Variants in ZHX2 observed in about 807,000 individuals in gnomAD.
ZHX2 encodes zinc fingers and homeoboxes 2.
Under a neutral mutation model 21.9 loss-of-function variants are expected in ZHX2, and 6 were observed. The ratio of observed to expected loss-of-function variants is 0.27; its 90% CI spans 0.15 to 0.54. The LOEUF (loss-of-function observed/expected upper bound fraction) is 0.54. ZHX2 is among the 20% of genes least tolerant of loss of function. The pLI is 0.95. For synonymous variants in ZHX2, 434 were observed against 437.1 expected, an observed-to-expected ratio of 0.99 and a Z score of 0.09; for missense variants, 908 against 1,090.7, an observed-to-expected ratio of 0.83 and a Z score of 2.36.
intron 1 of ZHX2, among the ~76,000 whole-genome samples, chr8:122,801,445 G>A (rs1434457075): frequency 6.6e-6 from 1 of 152,024 alleles, no homozygotes; most frequent in African/African-American, 2.4e-5. Context: ...CCTTTCAGAA[G>A]ATGAGTCAAG....
chr8:122,807,971 T>C (rs1262330162), intron 1 of ZHX2: 1 of 152,224 alleles, frequency 6.6e-6, no homozygotes, highest in African/African-American at 2.4e-5. Flanking sequence ...GAGAGAGATA[T>C]TGCAACTTGT....
At chr8:122,870,912 T>A (rs1819417211) in intron 2 of ZHX2, among the ~76,000 whole-genome samples, 1 of 152,156 alleles carries the variant, frequency 6.6e-6, no homozygotes, top group Admixed American at 6.6e-5. Flanking sequence ...AGCCTCAGGT[T>A]CCTGGCTTGA....
intron 2 of ZHX2, among the ~76,000 whole-genome samples, chr8:122,901,255 G>A (rs1820223022): frequency 6.6e-6 from 1 of 152,102 alleles, no homozygotes. Flanking sequence ...CTATGCATAT[G>A]GTCTGTCTAC....
intron 1 of ZHX2, among the ~76,000 whole-genome samples, chr8:122,809,463 G>T (rs1817882959): frequency 1.3e-5 from 2 of 151,834 alleles, no homozygotes; most frequent in South Asian, 4.1e-4. Flanking sequence ...TTGCACCACT[G>T]CACTCCAGCC....
chr8:122,806,535 G>A (rs191410708), intron 1 of ZHX2, among the ~76,000 whole-genome samples: 2 of 152,354 alleles, frequency 1.3e-5, no homozygotes, highest in Admixed American at 6.5e-5. Flanking sequence ...TACACACAGA[G>A]TAGCAAGGAC....
rs1445002108 is a variant in ZHX2 at position 122,953,073 on chromosome 8, G to T, written c.1563G>T (p.Thr521=). The change falls in exon 3 of 4, where the codon ACG becomes ACT. Residue 521 remains threonine, a synonymous_variant. Transcript: ENST00000314393. The surrounding 1 kb of genome is among the most constrained non-coding windows in gnomAD (Gnocchi z 4.6). ...TCGCGGCCTCCCGACACGGTCGCAC[G>T]TATCATGCGTACCCAGACTTTGCCC... ...LAIAASRHGR[T]YHAYPDFAPQ... The T allele has an allele frequency of 1.2e-6, 2 of 1,614,028 alleles. No homozygotes were observed. The highest frequency in any genetic ancestry group is 1.7e-6 in the Non-Finnish European group (2 of 1,180,040).
intron 1 of ZHX2, among the ~76,000 whole-genome samples, chr8:122,791,445 G>A (rs1039308261): frequency 9.2e-5 from 14 of 152,186 alleles, no homozygotes; most frequent in Admixed American, 7.9e-4. Flanking sequence ...AGGATCTCGG[G>A]TGACTGCCCA....
chr8:122,932,904 T>A (rs892524642), intron 2 of ZHX2, among the ~76,000 whole-genome samples: 1 of 152,110 alleles, frequency 6.6e-6, no homozygotes, highest in Non-Finnish European at 1.5e-5. Context: ...GTGGTTTGAA[T>A]CTGAGTGGTT....
intron 1 of ZHX2, among the ~76,000 whole-genome samples, chr8:122,787,856 C>G (rs1400263631): frequency 6.6e-6 from 1 of 152,168 alleles, no homozygotes; most frequent in Non-Finnish European, 1.5e-5. Context: ...TGAGGAAGGA[C>G]CACAAGTCTA....
At chr8:122,854,950 A>G (rs1290781773) in intron 1 of ZHX2, among the ~76,000 whole-genome samples, 3 of 152,258 alleles carry the variant, frequency 2.0e-5, no homozygotes, top group Non-Finnish European at 2.9e-5. Flanking sequence ...TCCGATGTCT[A>G]CCACTAGCCT....
rs540585754 is a variant in ZHX2, at chr8:122,782,127, G to C, written c.-283+181G>C. 3.8e-3 allele frequency among the ~76,000 whole-genome samples: 343 copies of C among 89,150 alleles called. 7 individuals carry two copies. The highest frequency in any genetic ancestry group is 9.1e-3 in the African/African-American group (302 of 33,136). 58.5% of individuals were successfully genotyped at this position (89,150 alleles called of 152,430 possible). On this transcript the variant is annotated intron_variant, in intron 1 of 3. Transcript: ENST00000314393. The surrounding 1 kb of genome is among the most constrained non-coding windows in gnomAD (Gnocchi z 5.3). ...TGTGATTGGAAGGGGGGTACGGAAG[G>C]GGGGGGGTGTGCAGGCTCTTTTTGC...
chr8:122,857,671 G>C (rs1044362529), intron 1 of ZHX2, among the ~76,000 whole-genome samples: 1 of 152,182 alleles, frequency 6.6e-6, no homozygotes, highest in Non-Finnish European at 1.5e-5. Flanking sequence ...ACATTGAAGA[G>C]TCATTGTGGG....
chr8:122,894,662 G>T (rs1232972528), intron 2 of ZHX2, among the ~76,000 whole-genome samples: 1 of 152,138 alleles, frequency 6.6e-6, no homozygotes, highest in Admixed American at 6.5e-5. Flanking sequence ...GCGGGGAGCG[G>T]GGAGGGATAG....
intron 1 of ZHX2, among the ~76,000 whole-genome samples, chr8:122,793,977 G>T (rs1350463185): frequency 2.6e-5 from 4 of 152,154 alleles, no homozygotes; most frequent in African/African-American, 7.2e-5. Flanking sequence ...GATACCTTTT[G>T]TCTTATGCTA....
At chr8:122,843,493 T>C (rs1818682733) in intron 1 of ZHX2, among the ~76,000 whole-genome samples, 1 of 152,272 alleles carries the variant, frequency 6.6e-6, no homozygotes, top group African/African-American at 2.4e-5. Flanking sequence ...TGTATCCTAC[T>C]GGTAGTGGCC....
chr8:122,838,026 C>T (rs1312215079), intron 1 of ZHX2, among the ~76,000 whole-genome samples: 1 of 152,188 alleles, frequency 6.6e-6, no homozygotes, highest in Admixed American at 6.5e-5. Context: ...GCCCGTTGAG[C>T]TTTGTGTTTG....
At chr8:122,824,378 C>A (rs1441940736) in intron 1 of ZHX2, among the ~76,000 whole-genome samples, 1 of 152,180 alleles carries the variant, frequency 6.6e-6, no homozygotes, top group Non-Finnish European at 1.5e-5. Context: ...AGGAAATGCT[C>A]AGTAGTGATT....
intron 1 of ZHX2, among the ~76,000 whole-genome samples, chr8:122,836,595 A>T (rs1412049822): frequency 6.6e-6 from 1 of 152,350 alleles, no homozygotes; most frequent in African/African-American, 2.4e-5. Context: ...ATCAGCACCA[A>T]GTGAGGACAG....
Position 122,804,069 on chromosome 8 carries a change from A to G in ZHX2, c.-283+22123A>G, listed in dbSNP as rs74578791. 6.3e-3 allele frequency among the ~76,000 whole-genome samples: 952 copies of G among 152,280 alleles called. 10 individuals are homozygous for G. Among genetic ancestry groups the G allele is most frequent in the Non-Finnish European group, 0.011 (759 of 68,020 alleles). On this transcript the variant is annotated intron_variant, in intron 1 of 3. Transcript: ENST00000314393. ...CCCATCATCACTGGTAGAAGTTTGT[A>G]GGGATTCTTTCATTTTTGTCATTTA...
Sources: gnomAD v4.1 joint callset for allele counts (sites outside exome capture counted in the v4.1 genomes callset) on GRCh38, gnomAD v4.1.1 for gene constraint, Gnocchi (gnomAD v3.1) non-coding constraint, MANE v1.5 for transcripts, NCBI Gene and HGNC (gene_info 2026-07-23, HGNC 2026-07-21) for gene names.